Variants in PLB1 observed in about 807,000 individuals in gnomAD.
PLB1 encodes the protein phospholipase B1, membrane-associated.
In PLB1, 242 loss-of-function variants were observed where a neutral mutation model predicts 227.4. The ratio of observed to expected loss-of-function variants is 1.06; its 90% CI spans 0.96 to 1.18. PLB1 has a LOEUF of 1.18. PLB1 is among the 50% of genes most tolerant of loss of function. The pLI, the probability that PLB1 is intolerant of heterozygous loss-of-function variation, is 0.00. For synonymous variants in PLB1, 757 were observed against 682.2 expected (o/e 1.11, Z -1.71); for missense variants, 1,858 against 1,816.3 (o/e 1.02, Z -0.42).
intron 54 of PLB1, among the ~76,000 whole-genome samples, chr2:28,631,498 G>A (rs1284401095): frequency 6.6e-6 from 1 of 152,212 alleles, no homozygotes; most frequent in Non-Finnish European, 1.5e-5. Flanking sequence ...CCAGATGGAT[G>A]ATAAACTCCT....
At chr2:28,541,395 C>T (rs1324869801) in intron 12 of PLB1, among the ~76,000 whole-genome samples, 2 of 152,188 alleles carry the variant, frequency 1.3e-5, no homozygotes, top group African/African-American at 4.8e-5. Context: ...CTCTACTGAA[C>T]TTAGCTCTTG....
intron 23 of PLB1, among the ~76,000 whole-genome samples, chr2:28,580,394 G>A (rs1217696206): frequency 6.6e-6 from 1 of 152,206 alleles, no homozygotes; most frequent in Non-Finnish European, 1.5e-5. Context: ...GGATGTTGTT[G>A]TAGGGATACA....
chr2:28,624,953 A>T, intron 49 of PLB1, 104 bp from the exon 50 acceptor site: 1 of 1,057,430 alleles, frequency 9.5e-7, no homozygotes, highest in Admixed American at 1.8e-5. Context: ...TGTACTGGTA[A>T]CATCATTCTT....
At chr2:28,553,324 G>C (rs1439140978) in intron 17 of PLB1, among the ~76,000 whole-genome samples, 1 of 152,202 alleles carries the variant, frequency 6.6e-6, no homozygotes, top group East Asian at 1.9e-4. Context: ...CCTTTAAGCA[G>C]AAAGCAAAAA....
At chr2:28,618,763 A>G (rs571116197) in intron 46 of PLB1, among the ~76,000 whole-genome samples, 7 of 152,134 alleles carry the variant, frequency 4.6e-5, no homozygotes, top group Non-Finnish European at 8.8e-5. Context: ...CAGGTCTTAC[A>G]CACACACTGC....
chr2:28,516,720 A>G (rs1413479068), intron 1 of PLB1, 88 bp from the exon 2 acceptor site: 1 of 1,179,342 alleles, frequency 8.5e-7, no homozygotes, highest in Non-Finnish European at 1.3e-6. Context: ...GCACACAGAT[A>G]TGGCTAGGAG....
At chr2:28,600,948 G>T in intron 36 of PLB1, 88 bp downstream of exon 36, 9 of 1,228,304 alleles carry the variant, frequency 7.3e-6, no homozygotes, top group Non-Finnish European at 1.1e-5. Context: ...CTGAAAAGCA[G>T]TGAGCCCCAT....
At chr2:28,560,921 T>C (rs1381840435) in intron 17 of PLB1, among the ~76,000 whole-genome samples, 1 of 152,176 alleles carries the variant, frequency 6.6e-6, no homozygotes, top group Non-Finnish European at 1.5e-5. Context: ...AGCTGGGCTT[T>C]CGAGACATCC....
intron 6 of PLB1, 41 bp from the exon 7 acceptor site, chr2:28,529,276 A>C: frequency 5.5e-6 from 8 of 1,450,788 alleles, no homozygotes; most frequent in Non-Finnish European, 7.7e-6. Context: ...GGTGGCCTTC[A>C]GCTGGTGAAG....
intron 11 of PLB1, among the ~76,000 whole-genome samples, chr2:28,539,449 G>T (rs1226194284): frequency 6.6e-6 from 1 of 152,164 alleles, no homozygotes; most frequent in Non-Finnish European, 1.5e-5. Context: ...GCTCTCCTCA[G>T]TGCCAGAGTG....
intron 49 of PLB1, among the ~76,000 whole-genome samples, chr2:28,622,088 G>GGGGAA (rs1186585236): frequency 6.6e-6 from 1 of 152,194 alleles, no homozygotes; most frequent in East Asian, 1.9e-4. Context: ...TCCAATGTTA[G>GGGGAA]GGGAAAGGAA....
chr2:28,592,181 C>G (rs1233020134), intron 31 of PLB1, among the ~76,000 whole-genome samples: 1 of 152,128 alleles, frequency 6.6e-6, no homozygotes, highest in Non-Finnish European at 1.5e-5. Context: ...AAGGAAAGGC[C>G]CAACATGGCT....
chr2:28,578,623 A>G (rs931692380), intron 22 of PLB1, among the ~76,000 whole-genome samples: 1 of 152,120 alleles, frequency 6.6e-6, no homozygotes, highest in African/African-American at 2.4e-5. Context: ...GAGCAGTACC[A>G]AAAAATAAAA....
chr2:28,560,723 A>C (rs1675927227), intron 17 of PLB1, among the ~76,000 whole-genome samples: 1 of 152,256 alleles, frequency 6.6e-6, no homozygotes, highest in Non-Finnish European at 1.5e-5. Context: ...AGAAGAAGCC[A>C]GACACAAAGA....
Position 28,591,724 on chromosome 2 carries a change from A to C in PLB1, c.2152A>C (p.Arg718=), listed in dbSNP as rs2148285413. The C allele has an allele frequency of 6.2e-7, 1 of 1,613,992 alleles. No individual in the cohort carries two copies. Among genetic ancestry groups the C allele is most frequent in the Non-Finnish European group, 8.5e-7 (1 of 1,179,972 alleles). Residue 718 remains arginine, a synonymous_variant, in exon 31 of 58, where the codon AGG becomes CGG. Coordinates refer to ENST00000327757, the MANE Select transcript of PLB1 (RefSeq NM_153021.5). ...GGGTCATGGGACCTGGCTGCCATGC[A>C]GGGACAGAGCCCCTTCTGCCTTGCA... The part of the protein sequence containing the change: ...MQGHGTWLPC[R]DRAPSALHPT...
rs1231433201 is a variant in PLB1, at chr2:28,543,220, C to T, written c.888C>T (p.Pro296=). The T allele has an allele frequency of 1.2e-6, 2 of 1,610,896 alleles. No homozygotes were observed. The highest frequency in any genetic ancestry group is 8.5e-7 in the Non-Finnish European group (1 of 1,178,792). Reference sequence around the variant, plus strand: ...AACTGGTTCTCTTTTAGGAGGACCCCCGACTCCAGGATTCTACCACGCTGG... The same window carrying T: ...AACTGGTTCTCTTTTAGGAGGACCCTCGACTCCAGGATTCTACCACGCTGG... ...ETTPSLHSED[P]RLQDSTTLAW... The change falls in exon 14 of 58, where the codon CCC becomes CCT. Residue 296 remains proline, a synonymous_variant. Coordinates refer to ENST00000327757, the MANE Select transcript of PLB1 (RefSeq NM_153021.5).
At chr2:28,600,109 C>T (rs1040766427) in intron 35 of PLB1, among the ~76,000 whole-genome samples, 1 of 151,940 alleles carries the variant, frequency 6.6e-6, no homozygotes, top group Non-Finnish European at 1.5e-5. Context: ...GGGGTTTTAC[C>T]ATGTTGCCCA....
intron 17 of PLB1, among the ~76,000 whole-genome samples, chr2:28,558,887 CTAGT>C (rs1254106502): frequency 6.6e-6 from 1 of 152,040 alleles, no homozygotes; most frequent in Non-Finnish European, 1.5e-5. Context: ...AGAAACAACT[CTAGT>C]CTTTTTTTTC....
chr2:28,543,254 C>A lies in PLB1; in HGVS notation c.922C>A (p.Leu308Ile), dbSNP rs1382643517. 2 of 1,612,554 alleles carry A rather than the reference C, an allele frequency of 1.2e-6. No homozygotes were observed. The highest frequency in any genetic ancestry group is 1.1e-5 in the South Asian group (1 of 90,556). The change falls in exon 14 of 58, where the codon CTC becomes ATC. Residue 308 changes from leucine to isoleucine, a missense_variant. By Grantham distance (5) the Leu-to-Ile change is conservative. Transcript: ENST00000327757. The stretch of plus-strand genomic sequence containing the variant: ...GGATTCTACCACGCTGGCCTGGCAT[C>A]TCTGGAATAGGATGGTGAGTAGATG... ...LQDSTTLAWH[L>I]WNRMMEPAGE...
Sources: gnomAD v4.1 joint callset for allele counts (sites outside exome capture counted in the v4.1 genomes callset) on GRCh38, gnomAD v4.1.1 for gene constraint, MANE v1.5 for transcripts, NCBI Gene and HGNC (gene_info 2026-07-23, HGNC 2026-07-21) for gene names.